Variants in GABRP observed in about 807,000 individuals in gnomAD.
GABRP encodes the protein gamma-aminobutyric acid type A receptor subunit pi, also known as gamma-aminobutyric acid receptor subunit pi.
Under a neutral mutation model 47.8 loss-of-function variants are expected in GABRP, and 52 were observed. That is an observed-to-expected ratio of 1.09 (90% CI 0.87 to 1.37). The LOEUF (loss-of-function observed/expected upper bound fraction) is 1.37, where lower values mean the gene tolerates loss of function less well. Ranked by LOEUF, GABRP falls within the 40% of genes most tolerant of loss-of-function variation. The pLI is 0.00. For missense variants in GABRP, 525 were observed against 542.8 expected, an observed-to-expected ratio of 0.97 and a Z score of 0.33; for synonymous variants, 221 against 205.8, an observed-to-expected ratio of 1.07 and a Z score of -0.63.
chr5:170,797,598 G>A (rs750097534), intron 6 of GABRP, 50 bp downstream of exon 6: 4 of 1,123,280 alleles, frequency 3.6e-6, no homozygotes, highest in African/African-American at 1.5e-5. Flanking sequence ...GGGTGACTTA[G>A]GTGTGTGTAT....
At position 170,795,384 on chromosome 5, in the gene GABRP, C is replaced by T. The variant is rs774140369; in HGVS notation, c.417C>T (p.Leu139=). ...ATGAAGTCACTGTGGGAAACAGGCTCATCCGCCTCTTCTCCAATGGCACGG... is the reference window on the plus strand; with the variant it reads ...ATGAAGTCACTGTGGGAAACAGGCTTATCCGCCTCTTCTCCAATGGCACGG... ...FLHEVTVGNR[L]IRLFSNGTVL... The change falls in exon 5 of 10, where the codon CTC becomes CTT. Residue 139 remains leucine (L), a synonymous_variant. Coordinates refer to ENST00000265294, the MANE Select transcript of GABRP (RefSeq NM_014211.3). 8.1e-6 allele frequency: 13 copies of T among 1,614,006 alleles called. No individual in the cohort carries two copies. The South Asian group carries it at 1.1e-4, about 14-fold the overall frequency.
intron 7 of GABRP, among the ~76,000 whole-genome samples, 184 bp from the exon 8 acceptor site, chr5:170,808,416 C>T (rs982810456): frequency 2.0e-5 from 3 of 152,108 alleles, no homozygotes; most frequent in African/African-American, 7.2e-5. Context: ...GGCAGGACAG[C>T]GCCCCTATAA....
chr5:170,795,418 G>A lies in GABRP; in HGVS notation c.451G>A (p.Ala151Thr). 6.2e-7 allele frequency: 1 copy of A among 1,613,852 alleles called. No individual in the cohort carries two copies. Among genetic ancestry groups the A allele is most frequent in the Middle Eastern group, 1.7e-4 (1 of 6,042 alleles). Reference protein sequence around the residue: ...RLFSNGTVLYALRITTTVACN... With the variant: ...RLFSNGTVLYTLRITTTVACN... ...CTTCTCCAATGGCACGGTCCTGTATGCCCTCAGGTACGCGGACACCTGTGA... is the reference window on the plus strand; with the variant it reads ...CTTCTCCAATGGCACGGTCCTGTATACCCTCAGGTACGCGGACACCTGTGA... Residue 151 changes from alanine to threonine, a missense_variant, in exon 5 of 10, where the codon GCC (alanine) becomes ACC (threonine). Transcript: ENST00000265294.
intron 7 of GABRP, among the ~76,000 whole-genome samples, chr5:170,807,948 AC>A (rs1420691078): frequency 6.6e-6 from 1 of 151,954 alleles, no homozygotes; most frequent in Non-Finnish European, 1.5e-5. Context: ...ACTACTGCTC[AC>A]CTCCCCATAA....
intron 9 of GABRP, 88 bp downstream of exon 9, chr5:170,809,843 AC>A: frequency 8.0e-7 from 1 of 1,253,528 alleles, no homozygotes. Flanking sequence ...TTCTATCCCC[AC>A]CCCACCCGCA....
chr5:170,789,357 C>G (rs1472649534), intron 3 of GABRP, 110 bp downstream of exon 3: 16 of 668,396 alleles, frequency 2.4e-5, no homozygotes, highest in Non-Finnish European at 1.3e-5. Flanking sequence ...GATCTGCAGC[C>G]TGTTAAGGAT....
intron 6 of GABRP, 32 bp from the exon 7 acceptor site, chr5:170,805,684 T>C (rs1168055205): frequency 1.9e-6 from 3 of 1,613,354 alleles, no homozygotes; most frequent in Non-Finnish European, 2.5e-6. Flanking sequence ...GGAACACCCT[T>C]GCACTGACCA....
chr5:170,785,123 G>T (rs11134652), intron 1 of GABRP, among the ~76,000 whole-genome samples: 1 of 152,126 alleles, frequency 6.6e-6, no homozygotes, highest in East Asian at 1.9e-4. Flanking sequence ...CGATTGGCTC[G>T]TCTACCACAG....
intron 6 of GABRP, among the ~76,000 whole-genome samples, chr5:170,801,814 T>C (rs1003220747): frequency 1.3e-5 from 2 of 149,942 alleles, no homozygotes; most frequent in African/African-American, 4.9e-5. Flanking sequence ...TGCAGGACTT[T>C]AAATAATTAT....
At position 170,783,786 on chromosome 5, in the gene GABRP, C is replaced by A. The variant is rs762426549; in HGVS notation, c.-131C>A. The A allele has an allele frequency of 3.3e-5, 5 of 152,304 alleles. No homozygotes were observed. Among genetic ancestry groups the A allele is most frequent in the Admixed American group, 6.5e-5 (1 of 15,274 alleles). 9.4% of individuals were successfully genotyped at this position (152,304 alleles called of 1,614,324 possible). A position where few individuals can be genotyped will look rare whatever the true frequency, so the allele number is the denominator to read the frequency against. ...GGGACAGGGCTGAGGATGAGGAGAA[C>A]CCTGGGGACCCAGAAGACCGTGCCT... On this transcript the variant is annotated 5_prime_UTR_variant, in exon 1 of 10. Coordinates refer to ENST00000265294, the MANE Select transcript of GABRP (RefSeq NM_014211.3).
chr5:170,808,553 TG>T (rs1561815598), intron 7 of GABRP, 46 bp from the exon 8 acceptor site: 15 of 1,570,336 alleles, frequency 9.6e-6, no homozygotes, highest in Non-Finnish European at 1.3e-5. Flanking sequence ...AGAAACCACT[TG>T]CTACACGAAC....
At position 170,794,150 on chromosome 5, in the gene GABRP, A is replaced by G. The variant is rs1462843127; in HGVS notation, c.173-81A>G. On this transcript the variant is annotated intron_variant, in intron 3 of 9. Coordinates refer to ENST00000265294, the MANE Select transcript of GABRP (RefSeq NM_014211.3). ...ACCAAGCACAACTTTTGTAATTTTA[A>G]TCTTTTTTAGAATGCACTAATATAG... 17 of 836,650 alleles carry G rather than the reference A, an allele frequency of 2.0e-5. No homozygotes were observed. In the East Asian group the frequency reaches 3.4e-4, roughly 17 times the overall value. The allele number at this position is 836,650 out of a possible 1,614,324, so 51.8% of individuals were successfully genotyped here. A position where few individuals can be genotyped will look rare whatever the true frequency, so the allele number is the denominator to read the frequency against.
intron 9 of GABRP, chr5:170,810,072 C>T (rs1581609366): frequency 1.4e-5 from 9 of 641,606 alleles, no homozygotes; most frequent in Non-Finnish European, 2.0e-5. Context: ...ACATGATCAG[C>T]TGCTTGCAAG....
chr5:170,794,805 G>A (rs777197640), intron 4 of GABRP, among the ~76,000 whole-genome samples: 21 of 151,818 alleles, frequency 1.4e-4, no homozygotes, highest in Non-Finnish European at 2.9e-5. Context: ...CAGATAAATC[G>A]TGGACAACCT....
chr5:170,810,422 C>T (rs772889999), intron 9 of GABRP, among the ~76,000 whole-genome samples: 1 of 152,030 alleles, frequency 6.6e-6, no homozygotes, highest in East Asian at 1.9e-4. Context: ...AATCTGATAA[C>T]AAGAAGGGAA....
At chr5:170,794,925 T>G (rs1468298071) in intron 4 of GABRP, among the ~76,000 whole-genome samples, 1 of 151,188 alleles carries the variant, frequency 6.6e-6, no homozygotes, top group East Asian at 2.0e-4. Context: ...CGTTCCCTTT[T>G]GGCAATAGGA....
intron 9 of GABRP, chr5:170,810,000 G>C (rs1243946604): frequency 2.9e-6 from 2 of 701,082 alleles, no homozygotes; most frequent in Non-Finnish European, 5.2e-6. Flanking sequence ...TATGTTATCT[G>C]TATGCAGCAT....
At chr5:170,784,998 C>T (rs1370520154) in intron 1 of GABRP, among the ~76,000 whole-genome samples, 1 of 152,236 alleles carries the variant, frequency 6.6e-6, no homozygotes, top group Non-Finnish European at 1.5e-5. Flanking sequence ...ACCCTTAGGA[C>T]ACTGCTCTCT....
intron 2 of GABRP, 111 bp downstream of exon 2, chr5:170,788,779 C>T: frequency 1.0e-6 from 1 of 972,812 alleles, no homozygotes; most frequent in East Asian, 2.4e-5. Flanking sequence ...AAACCCGGTC[C>T]ACTCACTTCC....
Sources: gnomAD v4.1 joint callset for allele counts (sites outside exome capture counted in the v4.1 genomes callset) on GRCh38, gnomAD v4.1.1 for gene constraint, MANE v1.5 for transcripts, NCBI Gene and HGNC (gene_info 2026-07-23, HGNC 2026-07-21) for gene names.